Variants in ZNF83 observed in about 807,000 individuals in gnomAD.
ZNF83 encodes zinc finger protein 83.
For synonymous variants in ZNF83, 209 were observed against 213.0 expected (o/e 0.98, Z 0.17); for missense variants, 552 against 629.9 (o/e 0.88, Z 1.32).
chr19:52,672,274 C>T (rs984593095), intron 1 of ZNF83, among the ~76,000 whole-genome samples: 3 of 152,072 alleles, frequency 2.0e-5, no homozygotes, highest in Non-Finnish European at 4.4e-5. Flanking sequence ...TATAAATCAC[C>T]TCATTTCTGC....
At chr19:52,657,720 G>C (rs1366149859) in intron 2 of ZNF83, among the ~76,000 whole-genome samples, 2 of 151,958 alleles carry the variant, frequency 1.3e-5, no homozygotes, top group African/African-American at 4.8e-5. Context: ...GGTGGTGCAT[G>C]CTTGTAATCT....
chr19:52,618,369 C>T (rs945529327), intron 2 of ZNF83: 3 of 153,634 alleles, frequency 2.0e-5, no homozygotes, highest in Admixed American at 1.9e-4. Flanking sequence ...ATGCCATTCT[C>T]CTGCCTCAGC....
intron 1 of ZNF83, among the ~76,000 whole-genome samples, chr19:52,661,167 T>C (rs564616545): frequency 1.3e-5 from 2 of 152,104 alleles, no homozygotes; most frequent in African/African-American, 4.8e-5. Context: ...CCAGCTGAGA[T>C]TTAATGTTTA....
chr19:52,631,592 C>A (rs539206939), intron 2 of ZNF83, among the ~76,000 whole-genome samples: 90 of 152,366 alleles, frequency 5.9e-4, no homozygotes, highest in Non-Finnish European at 2.2e-4. Context: ...TTAAGTCCCA[C>A]AATTACCATT....
chr19:52,639,884 G>C (rs1049398857), upstream of ZNF83, among the ~76,000 whole-genome samples: 3 of 152,174 alleles, frequency 2.0e-5, no homozygotes, highest in Non-Finnish European at 2.9e-5. Context: ...GGGAAATTGA[G>C]GCAAACAGCT....
chr19:52,666,890 T>C (rs892066523), intron 1 of ZNF83, among the ~76,000 whole-genome samples: 4 of 152,166 alleles, frequency 2.6e-5, no homozygotes, highest in African/African-American at 7.2e-5. Flanking sequence ...CAATAAGTGA[T>C]AAAGAAACTC....
At chr19:52,629,950 A>G (rs1264282943) in intron 2 of ZNF83, among the ~76,000 whole-genome samples, 1 of 152,324 alleles carries the variant, frequency 6.6e-6, no homozygotes, top group South Asian at 2.1e-4. Flanking sequence ...ACTGTGAGAC[A>G]AACCCCAGCC....
At chr19:52,669,072 T>G (rs145011862) in intron 1 of ZNF83, among the ~76,000 whole-genome samples, 1 of 152,184 alleles carries the variant, frequency 6.6e-6, no homozygotes, top group Admixed American at 6.5e-5. Context: ...AATCAGCCAC[T>G]CTTTATTCAT....
intron 2 of ZNF83, among the ~76,000 whole-genome samples, chr19:52,625,584 G>C (rs2060708351): frequency 6.6e-6 from 1 of 152,016 alleles, no homozygotes. Flanking sequence ...GAAACAATTG[G>C]GGCCTTCCAG....
intron 1 of ZNF83, among the ~76,000 whole-genome samples, chr19:52,662,049 G>A (rs899606104): frequency 2.0e-5 from 3 of 148,282 alleles, no homozygotes; most frequent in Non-Finnish European, 4.4e-5. Context: ...AGATCAGGGA[G>A]GTCCTGGGAG....
chr19:52,642,338 G>A (rs1018044227), upstream of ZNF83, among the ~76,000 whole-genome samples: 6 of 126,706 alleles, frequency 4.7e-5, no homozygotes, highest in East Asian at 2.5e-4. Context: ...GCCCAATCTC[G>A]GCTCACTGCA....
At chr19:52,654,422 A>G (rs1201111037) in intron 3 of ZNF83, 22 of 998,400 alleles carry the variant, frequency 2.2e-5, no homozygotes, top group Non-Finnish European at 3.0e-5. Context: ...TATAAAGACC[A>G]ATAGGTTTCC....
At chr19:52,650,713 G>A (rs1322132666) in intron 3 of ZNF83, 1 of 152,190 alleles carries the variant, frequency 6.6e-6, no homozygotes, top group Non-Finnish European at 1.5e-5. Flanking sequence ...AGTCAGATTT[G>A]AAACCCGATC....
At chr19:52,629,823 C>T (rs1465503325) in intron 2 of ZNF83, among the ~76,000 whole-genome samples, 3 of 152,162 alleles carry the variant, frequency 2.0e-5, no homozygotes, top group African/African-American at 7.2e-5. Flanking sequence ...AATCTGCTCC[C>T]GACATTAAAT....
intron 1 of ZNF83, among the ~76,000 whole-genome samples, chr19:52,680,080 G>A (rs951029662): frequency 6.6e-6 from 1 of 152,114 alleles, no homozygotes; most frequent in African/African-American, 2.4e-5. Flanking sequence ...TTGAGAGGCT[G>A]AAGGAGGAGA....
At chr19:52,632,635 T>C (rs1197599963) in intron 2 of ZNF83, among the ~76,000 whole-genome samples, 3 of 136,822 alleles carry the variant, frequency 2.2e-5, no homozygotes, top group Admixed American at 1.6e-4. Flanking sequence ...TCTTAACTCT[T>C]AAAGTAAATA....
At chr19:52,642,141 C>T (rs890152314), upstream of ZNF83, among the ~76,000 whole-genome samples, 2 of 151,904 alleles carry the variant, frequency 1.3e-5, no homozygotes, top group Admixed American at 6.6e-5. Flanking sequence ...TACAGAGGGA[C>T]GGGTTCTGTC....
In ZNF83 at chr19:52,661,995, C is replaced by T. The variant is rs537917202; in HGVS notation, c.-282-1152G>A. Among the ~76,000 whole-genome samples, 84 of 152,182 alleles carry T rather than the reference C, an allele frequency of 5.5e-4. 1 individual carries two copies. In the South Asian group the frequency reaches 0.016, roughly 28 times the overall value. ...GCCCCAGAAAAAGGAAAGAAACCTGCGTGGCTGGAGCAGAGGGAGTGAGGA... is the reference window on the plus strand; with the variant it reads ...GCCCCAGAAAAAGGAAAGAAACCTGTGTGGCTGGAGCAGAGGGAGTGAGGA... On this transcript the variant is annotated intron_variant, in intron 1 of 5. Transcript: ENST00000594682.
chr19:52,619,896 A>C (rs1366999271), intron 2 of ZNF83, among the ~76,000 whole-genome samples: 1 of 152,080 alleles, frequency 6.6e-6, no homozygotes, highest in African/African-American at 2.4e-5. Flanking sequence ...GAAAGAAAAA[A>C]AAATTTAGCT....
Sources: allele counts gnomAD v4.1 joint callset (sites outside exome capture counted in the v4.1 genomes callset), GRCh38; gene constraint gnomAD v4.1.1; transcripts MANE v1.5; gene names NCBI Gene and HGNC (gene_info 2026-07-23, HGNC 2026-07-21).